Variants in KITLG observed in about 807,000 individuals in gnomAD.
KITLG encodes c-Kit ligand.
A neutral mutation model predicts 34.1 loss-of-function variants in KITLG; 13 were observed. That is an observed-to-expected ratio of 0.38 (90% CI 0.25 to 0.61). KITLG has a LOEUF of 0.61. Ranked by LOEUF, KITLG falls within the 20% of genes least tolerant of loss-of-function variation. The pLI is 0.60. For missense variants in KITLG, 292 were observed against 318.9 expected (o/e 0.92, Z 0.64); for synonymous variants, 110 against 104.0 (o/e 1.06, Z -0.35).
chr12:88,572,300 G>A (rs1871676187), intron 1 of KITLG, among the ~76,000 whole-genome samples: 1 of 151,842 alleles, frequency 6.6e-6, no homozygotes. Context: ...ATAAGGATTT[G>A]CTAGTATTAT....
intron 2 of KITLG, among the ~76,000 whole-genome samples, chr12:88,542,261 C>T (rs1235214125): frequency 1.3e-5 from 2 of 152,086 alleles, no homozygotes; most frequent in Non-Finnish European, 2.9e-5. Flanking sequence ...ACACACTCTC[C>T]TCAGAAATGA....
At chr12:88,537,535 T>C (rs1484478515) in intron 2 of KITLG, among the ~76,000 whole-genome samples, 2 of 152,058 alleles carry the variant, frequency 1.3e-5, no homozygotes, top group Non-Finnish European at 2.9e-5. Flanking sequence ...GTTCACTACC[T>C]GGGTGATGGG....
At chr12:88,505,285 G>A in intron 8 of KITLG, 50 bp from the exon 9 acceptor site, 1 of 1,419,782 alleles carries the variant, frequency 7.0e-7, no homozygotes, top group East Asian at 2.3e-5. Context: ...CAGAGATTCT[G>A]AGGTACACCA....
At chr12:88,519,584 G>A (rs1869583066) in intron 3 of KITLG, among the ~76,000 whole-genome samples, 1 of 151,914 alleles carries the variant, frequency 6.6e-6, no homozygotes, top group Non-Finnish European at 1.5e-5. Context: ...ATATCTCTGT[G>A]GGAAAAGTCA....
chr12:88,553,384 C>T (rs137900501), intron 1 of KITLG, among the ~76,000 whole-genome samples: 1 of 152,270 alleles, frequency 6.6e-6, no homozygotes, highest in African/African-American at 2.4e-5. Context: ...GCAAAATGTC[C>T]CTGTGTTTGT....
At chr12:88,519,231 A>T (rs964845847) in intron 3 of KITLG, among the ~76,000 whole-genome samples, 1 of 152,134 alleles carries the variant, frequency 6.6e-6, no homozygotes, top group Admixed American at 6.6e-5. Context: ...TGTAACAGGA[A>T]GAGAAGGGAC....
chr12:88,495,999 C>T lies in KITLG; in HGVS notation c.*1220G>A, dbSNP rs1016204192. The stretch of plus-strand genomic sequence containing the variant: ...CCTGCCAAATTCACTCTTAATATGA[C>T]AAACACTGTCACACATTTTAAATAG... On this transcript the variant is annotated 3_prime_UTR_variant, in exon 10 of 10. Coordinates refer to ENST00000644744, the MANE Select transcript of KITLG (RefSeq NM_000899.5). 11 of 152,158 alleles carry T rather than the reference C, an allele frequency of 7.2e-5. No individual in the cohort carries two copies. Among genetic ancestry groups the T allele is most frequent in the African/African-American group, 2.4e-4 (10 of 41,448 alleles). 9.4% of individuals were successfully genotyped at this position (152,158 alleles called of 1,614,324 possible).
chr12:88,528,102 A>G (rs568265217), intron 3 of KITLG, among the ~76,000 whole-genome samples: 1 of 152,336 alleles, frequency 6.6e-6, no homozygotes, highest in Non-Finnish European at 1.5e-5. Context: ...CAAGGTATTC[A>G]TTAGGGCTGT....
At chr12:88,518,359 AT>A (rs1433021080) in intron 4 of KITLG, among the ~76,000 whole-genome samples, 1 of 152,162 alleles carries the variant, frequency 6.6e-6, no homozygotes, top group Non-Finnish European at 1.5e-5. Context: ...ATTACAGACA[AT>A]TTTCCATTTA....
intron 3 of KITLG, among the ~76,000 whole-genome samples, chr12:88,522,398 T>G (rs1869702332): frequency 6.6e-6 from 1 of 151,536 alleles, no homozygotes; most frequent in South Asian, 2.1e-4. Context: ...TTTGACACAT[T>G]ATTCCACATT....
intron 1 of KITLG, among the ~76,000 whole-genome samples, chr12:88,557,933 A>G (rs556392680): frequency 2.2e-4 from 34 of 152,192 alleles, no homozygotes; most frequent in Non-Finnish European, 4.1e-4. Context: ...AAAAACAGCT[A>G]CAGAAACATA....
intron 3 of KITLG, among the ~76,000 whole-genome samples, chr12:88,528,486 G>T (rs2120870323): frequency 6.6e-6 from 1 of 151,954 alleles, no homozygotes; most frequent in South Asian, 2.1e-4. Flanking sequence ...TGAAGGAAAA[G>T]AAATGCAAAA....
At chr12:88,528,950 G>T (rs1869978920) in intron 3 of KITLG, among the ~76,000 whole-genome samples, 1 of 152,092 alleles carries the variant, frequency 6.6e-6, no homozygotes, top group South Asian at 2.1e-4. Context: ...AGCAAAATAG[G>T]TGGCACAGTT....
chr12:88,518,377 C>T (rs1566021760), intron 4 of KITLG, among the ~76,000 whole-genome samples: 1 of 152,088 alleles, frequency 6.6e-6, no homozygotes. Flanking sequence ...TTTAAATGAA[C>T]ACTTGTAACT....
At chr12:88,538,386 T>A (rs577707270) in intron 2 of KITLG, among the ~76,000 whole-genome samples, 1 of 151,858 alleles carries the variant, frequency 6.6e-6, no homozygotes, top group African/African-American at 2.4e-5. Context: ...GCATCATCTC[T>A]GTGGAAGTTC....
intron 2 of KITLG, among the ~76,000 whole-genome samples, chr12:88,540,891 C>G (rs964548944): frequency 6.6e-6 from 1 of 151,960 alleles, no homozygotes; most frequent in Non-Finnish European, 1.5e-5. Context: ...ATATTGCAAC[C>G]TAATAAAATA....
intron 9 of KITLG, among the ~76,000 whole-genome samples, chr12:88,500,690 A>G (rs910820233): frequency 6.6e-6 from 1 of 152,246 alleles, no homozygotes; most frequent in African/African-American, 2.4e-5. Flanking sequence ...TACTATGGAT[A>G]TTTGGCATAA....
chr12:88,504,095 A>G (rs990893605), intron 9 of KITLG, among the ~76,000 whole-genome samples: 2 of 152,202 alleles, frequency 1.3e-5, no homozygotes, highest in Admixed American at 6.5e-5. Flanking sequence ...AAACAGTCTA[A>G]GTAAACATAC....
At chr12:88,544,993 T>C (rs193044160) in intron 2 of KITLG, among the ~76,000 whole-genome samples, 1 of 152,326 alleles carries the variant, frequency 6.6e-6, no homozygotes, top group Non-Finnish European at 1.5e-5. Context: ...TAAAAATTGC[T>C]TCTCAAGCTT....
Sources: gnomAD v4.1 joint callset for allele counts (sites outside exome capture counted in the v4.1 genomes callset) on GRCh38, gnomAD v4.1.1 for gene constraint, MANE v1.5 for transcripts, NCBI Gene and HGNC (gene_info 2026-07-23, HGNC 2026-07-21) for gene names.